Variants in LRRC4C observed in about 807,000 individuals in gnomAD.
The protein encoded by LRRC4C is leucine rich repeat containing 4C.
LRRC4C carries 5 observed loss-of-function variants against 33.6 expected under a neutral mutation model. The observed-to-expected ratio is 0.15, with a 90% CI of 0.08 to 0.31. The LOEUF (loss-of-function observed/expected upper bound fraction) is 0.31. Ranked by LOEUF, LRRC4C falls within the 10% of genes least tolerant of loss-of-function variation. LRRC4C has a pLI of 1.00. For missense variants in LRRC4C, 560 were observed against 796.7 expected, an observed-to-expected ratio of 0.70 and a Z score of 3.58; for synonymous variants, 329 against 302.0, an observed-to-expected ratio of 1.09 and a Z score of -0.93.
intron 3 of LRRC4C, among the ~76,000 whole-genome samples, chr11:40,618,454 C>A (rs574123091): frequency 1.5e-3 from 19 of 12,370 alleles, no homozygotes; most frequent in African/African-American, 1.6e-3. Flanking sequence ...GACTCCAGAT[C>A]TTGAAATAAA....
intron 3 of LRRC4C, among the ~76,000 whole-genome samples, chr11:40,332,353 C>T (rs1166439340): frequency 6.6e-6 from 1 of 152,116 alleles, no homozygotes; most frequent in Non-Finnish European, 1.5e-5. Flanking sequence ...TGGCCTTCCT[C>T]CCACTATGTG....
At chr11:41,134,499 T>C (rs77025964) in intron 1 of LRRC4C, among the ~76,000 whole-genome samples, 1,844 of 152,282 alleles carry the variant, frequency 0.012, 37 homozygotes, top group African/African-American at 0.042. Flanking sequence ...TCAATAACTT[T>C]CCAGGTTAAT....
At chr11:40,146,843 A>G (rs2135053436) in intron 5 of LRRC4C, among the ~76,000 whole-genome samples, 1 of 152,256 alleles carries the variant, frequency 6.6e-6, no homozygotes, top group South Asian at 2.1e-4. Flanking sequence ...CCTGCTCAAC[A>G]CTGGTATCTA....
intron 3 of LRRC4C, among the ~76,000 whole-genome samples, chr11:40,586,224 GTGA>G (rs2135694806): frequency 6.6e-6 from 1 of 152,222 alleles, no homozygotes; most frequent in South Asian, 2.1e-4. Flanking sequence ...CTGATGACCA[GTGA>G]TGATGAACAT....
chr11:40,733,061 GTTTTTTTT>G (rs544471413), intron 2 of LRRC4C, among the ~76,000 whole-genome samples: 118 of 57,640 alleles, frequency 2.0e-3, no homozygotes, highest in Middle Eastern at 0.029. Context: ...TATGAATATA[GTTTTTTTT>G]TTTTTTTTTT....
chr11:40,366,785 C>A (rs1164660479), intron 3 of LRRC4C, among the ~76,000 whole-genome samples: 1 of 152,026 alleles, frequency 6.6e-6, no homozygotes, highest in Admixed American at 6.6e-5. Flanking sequence ...CAGAGGTTTT[C>A]ATTTAAAGTG....
intron 2 of LRRC4C, among the ~76,000 whole-genome samples, chr11:40,831,948 G>A (rs796300773): frequency 2.2e-4 from 33 of 152,126 alleles, no homozygotes; most frequent in African/African-American, 7.5e-4. Flanking sequence ...TCATAAAATA[G>A]AAACATTTAG....
chr11:40,442,384 A>G lies in LRRC4C; in HGVS notation c.-269-122663T>C, dbSNP rs568982894. On this transcript the variant is annotated intron_variant, in intron 3 of 6. Transcript: ENST00000528697. ...ATTTACAAAATATTTATGAGCACCA[A>G]CAACCAAGTCAGGTACTAAAAAAGG... 2.9e-4 allele frequency among the ~76,000 whole-genome samples: 44 copies of G among 152,294 alleles called. No individual in the cohort carries two copies. The South Asian group carries it at 8.7e-3, about 30-fold the overall frequency.
chr11:40,267,953 T>C (rs1274333842), intron 4 of LRRC4C, among the ~76,000 whole-genome samples: 1 of 152,202 alleles, frequency 6.6e-6, no homozygotes, highest in Non-Finnish European at 1.5e-5. Flanking sequence ...CTTCGAACCC[T>C]TCATTGCTCT....
chr11:40,426,377 CT>C (rs71461168), intron 3 of LRRC4C, among the ~76,000 whole-genome samples: 47 of 149,208 alleles, frequency 3.1e-4, no homozygotes, highest in Admixed American at 1.2e-3. Flanking sequence ...GATCCAGCCA[CT>C]TTTTTTTTTA....
intron 3 of LRRC4C, among the ~76,000 whole-genome samples, chr11:40,589,544 CGT>C (rs1958934857): frequency 1.3e-5 from 2 of 148,876 alleles, no homozygotes; most frequent in South Asian, 2.2e-4. Flanking sequence ...TTATTTTGCT[CGT>C]TAGTTGATGC....
At chr11:41,193,130 G>T (rs1946033644) in intron 1 of LRRC4C, among the ~76,000 whole-genome samples, 1 of 152,048 alleles carries the variant, frequency 6.6e-6, no homozygotes, top group African/African-American at 2.4e-5. Context: ...ATAAATACTA[G>T]CTACCAATCT....
At chr11:40,168,372 C>T (rs1859771178) in intron 5 of LRRC4C, among the ~76,000 whole-genome samples, 1 of 152,176 alleles carries the variant, frequency 6.6e-6, no homozygotes, top group South Asian at 2.1e-4. Flanking sequence ...AAATAGTAGA[C>T]ATGGTTTTGA....
chr11:41,325,434 C>T (rs1006659103), intron 1 of LRRC4C, among the ~76,000 whole-genome samples: 2 of 152,028 alleles, frequency 1.3e-5, no homozygotes, highest in African/African-American at 4.8e-5. Context: ...ACTTTATTTG[C>T]AGTATTTCTT....
intron 1 of LRRC4C, among the ~76,000 whole-genome samples, chr11:41,342,018 C>T (rs900118669): frequency 1.3e-5 from 2 of 151,358 alleles, no homozygotes; most frequent in Admixed American, 1.3e-4. Context: ...TTTCATGAAC[C>T]TCACCCCTGG....
intron 6 of LRRC4C, among the ~76,000 whole-genome samples, chr11:40,133,392 T>G (rs1201026888): frequency 1.3e-5 from 2 of 152,208 alleles, no homozygotes; most frequent in African/African-American, 4.8e-5. Flanking sequence ...CTTACTTCCT[T>G]GTTCATTATT....
intron 1 of LRRC4C, among the ~76,000 whole-genome samples, chr11:41,193,535 C>T (rs959189422): frequency 1.3e-5 from 2 of 152,136 alleles, no homozygotes; most frequent in South Asian, 4.1e-4. Flanking sequence ...GTTGGAGAAA[C>T]TGTCTCCAGA....
chr11:41,308,809 CT>C (rs887237352), intron 1 of LRRC4C, among the ~76,000 whole-genome samples: 383 of 142,334 alleles, frequency 2.7e-3, no homozygotes, highest in Middle Eastern at 3.8e-3. Context: ...CTCTTTTTTT[CT>C]TTTTTTTTTT....
chr11:40,949,551 G>A (rs1299342696), intron 1 of LRRC4C, among the ~76,000 whole-genome samples: 1 of 151,896 alleles, frequency 6.6e-6, no homozygotes, highest in Non-Finnish European at 1.5e-5. Flanking sequence ...AAGAGAGTGG[G>A]GGCCAATATT....
Sources: allele counts gnomAD v4.1 joint callset (sites outside exome capture counted in the v4.1 genomes callset), GRCh38; gene constraint gnomAD v4.1.1; transcripts MANE v1.5; gene names NCBI Gene and HGNC (gene_info 2026-07-23, HGNC 2026-07-21).